The following DIAPH1 variants were observed in gnomAD, a reference collection of about 807,000 sequenced individuals.
DIAPH1 encodes the protein protein diaphanous homolog 1.
A neutral mutation model predicts 140.7 loss-of-function variants in DIAPH1; 46 were observed. The ratio of observed to expected loss-of-function variants is 0.33; its 90% CI spans 0.26 to 0.42. DIAPH1 has a LOEUF of 0.42. Ranked by LOEUF, DIAPH1 falls within the 10% of genes least tolerant of loss-of-function variation. DIAPH1 has a pLI of 1.00. For synonymous variants in DIAPH1, 565 were observed against 551.6 expected (o/e 1.02, Z -0.34); for missense variants, 1,310 against 1,558.7 (o/e 0.84, Z 2.69).
At position 141,574,137 on chromosome 5, in the gene DIAPH1, A is replaced by G. The variant is rs369024454; in HGVS notation, c.1713T>C (p.Thr571=). The G allele has an allele frequency of 2.6e-5, 42 of 1,614,126 alleles. No homozygotes were observed. The highest frequency in any genetic ancestry group is 3.3e-5 in the Non-Finnish European group (39 of 1,180,006). ...EMASLSAAAI[T]VPPSVPSRAP... ...CACGACTAGGAACAGAAGGAGGTAC[A>G]GTAATAGCTGCCGCAGAGAGGGAAG... The change falls in exon 16 of 28, where the codon ACT becomes ACC. Residue 571 remains threonine, a synonymous_variant. Transcript: ENST00000389054.
intron 1 of DIAPH1, among the ~76,000 whole-genome samples, chr5:141,590,023 T>C (rs2099898159): frequency 1.3e-5 from 2 of 152,206 alleles, no homozygotes; most frequent in African/African-American, 2.4e-5. Context: ...GTAGCTGGGA[T>C]TGCAGGTGCA....
intron 1 of DIAPH1, among the ~76,000 whole-genome samples, chr5:141,593,196 G>A (rs563463416): frequency 1.3e-5 from 2 of 152,182 alleles, no homozygotes; most frequent in Non-Finnish European, 2.9e-5. Flanking sequence ...AGTTAAAGGA[G>A]GGGGAGGCTA....
At chr5:141,594,588 C>CA (rs1464605643) in intron 1 of DIAPH1, among the ~76,000 whole-genome samples, 17 of 152,086 alleles carry the variant, frequency 1.1e-4, no homozygotes, top group African/African-American at 3.9e-4. Context: ...ACTAAAAATA[C>CA]AAAAATTAGC....
At chr5:141,589,785 T>C (rs2099898109) in intron 1 of DIAPH1, among the ~76,000 whole-genome samples, 1 of 152,162 alleles carries the variant, frequency 6.6e-6, no homozygotes. Context: ...GTATACATGT[T>C]ATACTTTACC....
chr5:141,567,248 T>C (rs908246520), intron 18 of DIAPH1, among the ~76,000 whole-genome samples: 3 of 151,692 alleles, frequency 2.0e-5, no homozygotes, highest in African/African-American at 7.3e-5. Context: ...TGTAGAGGGG[T>C]ATATGAGGGG....
In DIAPH1 at chr5:141,584,396, AAAGAT is replaced by A. The variant is rs1467177851; in HGVS notation, c.301-176_301-172del. On this transcript the variant is annotated intron_variant, in intron 3 of 27. Coordinates refer to ENST00000389054, the MANE Select transcript of DIAPH1 (RefSeq NM_005219.5). The stretch of plus-strand genomic sequence containing the variant: ...CTATTACAGCTGATGAAAATTCCTC[AAAGAT>A]AAGTATAGTTAACATTTTAGTATAA... Among the ~76,000 whole-genome samples, 7 of 152,250 alleles carry A rather than the reference AAAGAT, an allele frequency of 4.6e-5. No homozygotes were observed. In the South Asian group the frequency reaches 8.3e-4, roughly 18 times the overall value.
At chr5:141,570,153 T>C in intron 18 of DIAPH1, among the ~76,000 whole-genome samples, 1 of 108,938 alleles carries the variant, frequency 9.2e-6, no homozygotes, top group Admixed American at 1.0e-4. Flanking sequence ...AAGATGGGGA[T>C]GGGGGTGGGG....
chr5:141,580,982 A>C (rs913433421), intron 7 of DIAPH1, 99 bp from the exon 8 acceptor site: 4 of 1,478,136 alleles, frequency 2.7e-6, no homozygotes, highest in Non-Finnish European at 2.8e-6. Context: ...TGTCCTCTTA[A>C]ATTCCAGTGT....
chr5:141,597,603 G>T (rs1393462273), intron 1 of DIAPH1, among the ~76,000 whole-genome samples: 1 of 152,128 alleles, frequency 6.6e-6, no homozygotes, highest in Non-Finnish European at 1.5e-5. Context: ...AGGAAATCCC[G>T]GGGATAAAGG....
chr5:141,562,601 C>A (rs1362369869), intron 18 of DIAPH1, among the ~76,000 whole-genome samples: 15 of 133,194 alleles, frequency 1.1e-4, no homozygotes, highest in Non-Finnish European at 2.1e-4. Context: ...AACCACTTAC[C>A]TATGCAAAAA....
At chr5:141,575,513 G>A (rs1160106475) in intron 14 of DIAPH1, among the ~76,000 whole-genome samples, 1 of 152,114 alleles carries the variant, frequency 6.6e-6, no homozygotes, top group Non-Finnish European at 1.5e-5. Context: ...GCCGGGCATG[G>A]TGGTGGGCAC....
intron 1 of DIAPH1, among the ~76,000 whole-genome samples, chr5:141,588,473 G>GAAAAAAA (rs368869644): frequency 2.3e-5 from 2 of 86,644 alleles, no homozygotes; most frequent in Admixed American, 1.2e-4. Flanking sequence ...TCTTAAAAAG[G>GAAAAAAA]AAAAAAAAAA....
At chr5:141,593,256 C>A (rs2099898766) in intron 1 of DIAPH1, among the ~76,000 whole-genome samples, 1 of 152,192 alleles carries the variant, frequency 6.6e-6, no homozygotes, top group Non-Finnish European at 1.5e-5. Flanking sequence ...ATCCCTAGAT[C>A]ATACCCCACC....
intron 1 of DIAPH1, among the ~76,000 whole-genome samples, chr5:141,593,120 C>T (rs751048662): frequency 1.3e-5 from 2 of 152,262 alleles, no homozygotes; most frequent in Non-Finnish European, 1.5e-5. Context: ...AATAACCAAC[C>T]CATTACACTT....
intron 18 of DIAPH1, among the ~76,000 whole-genome samples, chr5:141,541,900 A>C (rs1282434282): frequency 6.6e-6 from 1 of 152,196 alleles, no homozygotes; most frequent in African/African-American, 2.4e-5. Flanking sequence ...AGACCTATAT[A>C]AATGGAAAGA....
In DIAPH1 at chr5:141,574,035, A is replaced by G. The variant is rs2154596308; in HGVS notation, c.1815T>C (p.Ser605=). 3.8e-6 allele frequency: 6 copies of G among 1,578,614 alleles called. No individual in the cohort carries two copies. The highest frequency in any genetic ancestry group is 1.2e-5 in the South Asian group (1 of 86,584). Residue 605 remains serine, a synonymous_variant, in exon 16 of 28, where the codon AGT becomes AGC. Transcript: ENST00000389054. ...IIPPPPAPGD[S]TTPPPPPPPP... ...GAGGAGGAGGAGGAGGAGGAGTGGT[A>G]CTATCCCCAGGAGCAGGTGGTGGTG...
chr5:141,540,807 C>A (rs907737624), intron 18 of DIAPH1, among the ~76,000 whole-genome samples: 2 of 151,926 alleles, frequency 1.3e-5, no homozygotes, highest in Non-Finnish European at 2.9e-5. Flanking sequence ...CGCCTATAAT[C>A]CCAGCACTTT....
intron 8 of DIAPH1, 29 bp downstream of exon 8, chr5:141,580,715 G>A (rs1205880144): frequency 5.6e-6 from 9 of 1,611,982 alleles, no homozygotes; most frequent in Non-Finnish European, 7.6e-6. Flanking sequence ...AATTGAAAAT[G>A]GAGAAGAAAA....
At chr5:141,522,224 T>C (rs2099886659) in intron 27 of DIAPH1, among the ~76,000 whole-genome samples, 1 of 152,352 alleles carries the variant, frequency 6.6e-6, no homozygotes, top group African/African-American at 2.4e-5. Context: ...GATAAGCTTA[T>C]AGGCTAGAGC....
Sources: allele counts gnomAD v4.1 joint callset (sites outside exome capture counted in the v4.1 genomes callset), GRCh38; gene constraint gnomAD v4.1.1; transcripts MANE v1.5; gene names NCBI Gene and HGNC (gene_info 2026-07-23, HGNC 2026-07-21).